Variants in FRAS1 observed in about 807,000 individuals in gnomAD.
FRAS1 encodes extracellular matrix organizing protein FRAS1.
FRAS1 carries 290 observed loss-of-function variants against 435.2 expected under a neutral mutation model. That is an observed-to-expected ratio of 0.67 (90% CI 0.61 to 0.73). The LOEUF (loss-of-function observed/expected upper bound fraction) is 0.73, where lower values mean the gene tolerates loss of function less well. Among genes scored for constraint, FRAS1 ranks in the 30% least tolerant of loss-of-function variants. FRAS1 has a pLI of 0.00. For synonymous variants in FRAS1, 1,800 were observed against 1,851.0 expected, an observed-to-expected ratio of 0.97 and a Z score of 0.71; for missense variants, 4,860 against 5,001.5, an observed-to-expected ratio of 0.97 and a Z score of 0.85.
chr4:78,260,173 C>T (rs1224057466), intron 6 of FRAS1, among the ~76,000 whole-genome samples: 1 of 151,778 alleles, frequency 6.6e-6, no homozygotes, highest in Non-Finnish European at 1.5e-5. Context: ...TTAGGATTGA[C>T]TTGGCAATGC....
chr4:78,470,064 C>T lies in FRAS1; in HGVS notation c.7344C>T (p.Leu2448=), dbSNP rs201842464. The T allele has an allele frequency of 2.3e-4, 370 of 1,613,268 alleles. 1 individual carries two copies. Among genetic ancestry groups the T allele is most frequent in the Middle Eastern group, 1.8e-3 (11 of 6,060 alleles). ...CTAGAATTGTCACCAACCTGGGACT[C>T]CAGTGGCTGGAATACATGGATGGCA... is the stretch of plus-strand genomic sequence containing the variant. ...GTPRIVTNLG[L]QWLEYMDGKA... The change falls in exon 51 of 74, where the codon CTC becomes CTT. Residue 2448 remains leucine, a synonymous_variant. Coordinates refer to ENST00000512123, the MANE Select transcript of FRAS1 (RefSeq NM_025074.7).
At chr4:78,506,403 C>A (rs968893804) in intron 61 of FRAS1, among the ~76,000 whole-genome samples, 4 of 152,330 alleles carry the variant, frequency 2.6e-5, no homozygotes, top group Middle Eastern at 6.8e-3. Context: ...TGGTGGGCTC[C>A]CCCCAGTTCG....
chr4:78,402,404 T>G (rs1387456219), intron 30 of FRAS1, among the ~76,000 whole-genome samples: 1 of 152,164 alleles, frequency 6.6e-6, no homozygotes, highest in African/African-American at 2.4e-5. Context: ...GAATTGGTAT[T>G]ATAATTATAA....
intron 2 of FRAS1, among the ~76,000 whole-genome samples, chr4:78,212,299 G>A (rs959709753): frequency 6.6e-6 from 1 of 152,010 alleles, no homozygotes; most frequent in Non-Finnish European, 1.5e-5. Flanking sequence ...TCTTGCATTC[G>A]CTGCATTTTG....
At chr4:78,237,363 A>G in intron 2 of FRAS1, 147 bp from the exon 3 acceptor site, 1 of 547,020 alleles carries the variant, frequency 1.8e-6, no homozygotes. Context: ...GGGTTTAATC[A>G]GTGCCCAGCA....
chr4:78,315,383 C>T (rs1291409554), intron 15 of FRAS1, among the ~76,000 whole-genome samples: 1 of 152,050 alleles, frequency 6.6e-6, no homozygotes, highest in Non-Finnish European at 1.5e-5. Context: ...ATGCTTAGTT[C>T]AATGAGTAAT....
chr4:78,181,401 G>A (rs1721993483), intron 2 of FRAS1: 2 of 1,611,924 alleles, frequency 1.2e-6, no homozygotes, highest in Non-Finnish European at 8.5e-7. Flanking sequence ...CTACCTCCAC[G>A]TTTGTCCTCG....
At chr4:78,477,690 A>G (rs1719891664) in intron 54 of FRAS1, 125 bp from the exon 55 acceptor site, 1 of 1,205,738 alleles carries the variant, frequency 8.3e-7, no homozygotes, top group Non-Finnish European at 1.1e-6. Flanking sequence ...GGGCTGGGAG[A>G]ACCAGCTATT....
At position 78,438,571 on chromosome 4, in the gene FRAS1, A is replaced by T. The variant is rs776845709; in HGVS notation, c.5219A>T (p.Asp1740Val). ...CCTGCCTCATGTTTGCCTCATTAGG[A>T]TGATTCTTCCCCCGACCCAGAGATC... ...IITRSHLAYV[D>V]DSSPDPEIWI... The change falls in exon 39 of 74, where the codon GAT (aspartate) becomes GTT (valine). Residue 1740 changes from aspartate (D) to valine (V), a missense_variant and splice_region_variant. Physicochemically the swap from Asp to Val is radical, Grantham distance 152. Transcript: ENST00000512123. 3.0e-5 allele frequency: 49 copies of T among 1,613,668 alleles called. No homozygotes were observed. The highest frequency in any genetic ancestry group is 2.2e-5 in the East Asian group (1 of 44,894).
At chr4:78,460,689 A>G (rs76357397) in intron 47 of FRAS1, among the ~76,000 whole-genome samples, 3,287 of 152,274 alleles carry the variant, frequency 0.022, 121 homozygotes, top group African/African-American at 0.075. Flanking sequence ...ATAGCCTGTT[A>G]CTCTTAGGCA....
At chr4:78,516,376 C>A (rs2109889217) in intron 66 of FRAS1, among the ~76,000 whole-genome samples, 2 of 152,270 alleles carry the variant, frequency 1.3e-5, no homozygotes, top group East Asian at 3.9e-4. Flanking sequence ...ATTCTCTTCC[C>A]CACCTGGGAA....
At chr4:78,540,433 T>G in intron 73 of FRAS1, 98 bp from the exon 74 acceptor site, 1 of 663,020 alleles carries the variant, frequency 1.5e-6, no homozygotes, top group South Asian at 4.2e-5. Context: ...TGGAAATCAG[T>G]TATCTATCAA....
intron 2 of FRAS1, among the ~76,000 whole-genome samples, chr4:78,118,002 G>T (rs1181059976): frequency 3.3e-5 from 5 of 152,136 alleles, no homozygotes; most frequent in African/African-American, 1.2e-4. Flanking sequence ...GAACAGATGG[G>T]GTTTTGGTGT....
intron 2 of FRAS1, among the ~76,000 whole-genome samples, chr4:78,203,375 C>A (rs1432512519): frequency 6.6e-6 from 1 of 152,080 alleles, no homozygotes; most frequent in Admixed American, 6.5e-5. Flanking sequence ...TGCAAATTTA[C>A]CTACTCAACT....
chr4:78,518,253 TA>T lies in FRAS1; in HGVS notation c.10390-1069del, dbSNP rs985668361. Reference sequence around the variant, plus strand: ...TTAAATCCCTGACAACTTTGAATATTAAAAAAAAACTTTAGAAAAATATTAA... The same window carrying T: ...TTAAATCCCTGACAACTTTGAATATTAAAAAAAACTTTAGAAAAATATTAA... On this transcript the variant is annotated intron_variant, in intron 66 of 73. Coordinates refer to ENST00000512123, the MANE Select transcript of FRAS1 (RefSeq NM_025074.7). Among the ~76,000 whole-genome samples the T allele has an allele frequency of 1.2e-3, 179 of 151,138 alleles. 1 individual carries two copies. In the Middle Eastern group the frequency reaches 0.024, roughly 20 times the overall value.
At chr4:78,270,826 A>G (rs1377810353) in intron 9 of FRAS1, among the ~76,000 whole-genome samples, 1 of 152,124 alleles carries the variant, frequency 6.6e-6, no homozygotes, top group African/African-American at 2.4e-5. Flanking sequence ...TTTCTGCAAA[A>G]TAATTTATAT....
At chr4:78,461,237 T>C (rs960575855) in intron 47 of FRAS1, among the ~76,000 whole-genome samples, 7 of 152,352 alleles carry the variant, frequency 4.6e-5, no homozygotes, top group Non-Finnish European at 8.8e-5. Flanking sequence ...TTGTCTAGAT[T>C]TTTCACATTC....
rs1727072285 is a variant in FRAS1, at chr4:78,276,916, G to A, written c.982-1739G>A. 2.0e-5 allele frequency among the ~76,000 whole-genome samples: 3 copies of A among 152,190 alleles called. 1 individual carries two copies. The South Asian group carries it at 6.2e-4, about 32-fold the overall frequency. On this transcript the variant is annotated intron_variant, in intron 9 of 73. Transcript: ENST00000512123. ...TGGCTATGCCCTGCCCCCAGAGGTGGAGTCTACAGAGGTAGGCAGGCCTCC... is the reference window on the plus strand; with the variant it reads ...TGGCTATGCCCTGCCCCCAGAGGTGAAGTCTACAGAGGTAGGCAGGCCTCC...
chr4:78,211,894 T>TTC (rs1723521309), intron 2 of FRAS1, among the ~76,000 whole-genome samples: 5 of 152,268 alleles, frequency 3.3e-5, no homozygotes, highest in Admixed American at 3.3e-4. Flanking sequence ...CTCATCTACT[T>TTC]TCTCTCTCTC....
Sources: gnomAD v4.1 joint callset for allele counts (sites outside exome capture counted in the v4.1 genomes callset) on GRCh38, gnomAD v4.1.1 for gene constraint, MANE v1.5 for transcripts, NCBI Gene and HGNC (gene_info 2026-07-23, HGNC 2026-07-21) for gene names.